SYNE2: variants seen among roughly 807,000 people sequenced by gnomAD.
The protein encoded by SYNE2 is nesprin-2.
SYNE2 carries 431 observed loss-of-function variants against 856.3 expected under a neutral mutation model. That is an observed-to-expected ratio of 0.50 (90% CI 0.47 to 0.55). The LOEUF is 0.55. SYNE2 is among the 20% of genes least tolerant of loss of function. The pLI, the probability that SYNE2 is intolerant of heterozygous loss-of-function variation, is 0.00. For synonymous variants in SYNE2, 2,923 were observed against 2,872.3 expected, an observed-to-expected ratio of 1.02 and a Z score of -0.56; for missense variants, 8,129 against 8,023.2, an observed-to-expected ratio of 1.01 and a Z score of -0.50.
At chr14:63,887,726 T>G (rs1481024642) in intron 1 of SYNE2, among the ~76,000 whole-genome samples, 2 of 151,992 alleles carry the variant, frequency 1.3e-5, no homozygotes, top group African/African-American at 2.4e-5. Context: ...ACTTGGTGCT[T>G]TTGTGGACTA....
intron 49 of SYNE2, among the ~76,000 whole-genome samples, chr14:64,057,649 G>C (rs116824223): frequency 5.3e-5 from 8 of 152,084 alleles, no homozygotes; most frequent in Admixed American, 5.2e-4. Flanking sequence ...GTGGGATTCC[G>C]GGATCATATG....
rs765911639 is a variant in SYNE2, at chr14:64,152,583, C to A, written c.15659C>A (p.Ala5220Glu). ...TTCCAGGATATAGAAAATCAACTTG[C>A]AATTAAATCCAAAGCACTAGATGAG... ...LDCQDIENQL[A>E]IKSKALDELK... Residue 5220 changes from alanine to glutamate, a missense_variant, in exon 85 of 116, where the codon GCA becomes GAA. Coordinates refer to ENST00000555002, the MANE Select transcript of SYNE2 (RefSeq NM_182914.3). 1 of 1,613,974 alleles carries A rather than the reference C, an allele frequency of 6.2e-7. No individual in the cohort carries two copies. Among genetic ancestry groups the A allele is most frequent in the Non-Finnish European group, 8.5e-7 (1 of 1,179,974 alleles).
At chr14:63,787,501 A>G (rs1392252677) in intron 1 of SYNE2, among the ~76,000 whole-genome samples, 1 of 152,176 alleles carries the variant, frequency 6.6e-6, no homozygotes, top group African/African-American at 2.4e-5. Flanking sequence ...CTTATCCTGC[A>G]TCCAGGAAGA....
At chr14:63,948,933 T>C (rs1383046831) in intron 6 of SYNE2, among the ~76,000 whole-genome samples, 1 of 151,170 alleles carries the variant, frequency 6.6e-6, no homozygotes, top group Non-Finnish European at 1.5e-5. Flanking sequence ...TCTTTCACAA[T>C]TGCTGCAGCT....
chr14:64,001,412 C>A (rs1039953933), intron 28 of SYNE2, among the ~76,000 whole-genome samples: 4 of 152,190 alleles, frequency 2.6e-5, no homozygotes, highest in African/African-American at 9.7e-5. Context: ...GGGCCAGGCA[C>A]TGTGGCTCCT....
At chr14:63,892,007 A>G (rs2095143863) in intron 1 of SYNE2, among the ~76,000 whole-genome samples, 1 of 152,212 alleles carries the variant, frequency 6.6e-6, no homozygotes, top group Non-Finnish European at 1.5e-5. Flanking sequence ...TGTTTCAGAA[A>G]CAAACTTCTG....
chr14:63,960,601 G>T (rs1787489421), intron 8 of SYNE2: 2 of 587,096 alleles, frequency 3.4e-6, no homozygotes, highest in South Asian at 2.1e-5. Context: ...TAAATAAACA[G>T]TGAAGTGTTT....
At chr14:63,773,268 C>T (rs905350816) in intron 1 of SYNE2, among the ~76,000 whole-genome samples, 3 of 152,066 alleles carry the variant, frequency 2.0e-5, no homozygotes, top group African/African-American at 2.4e-5. Flanking sequence ...GGCTCAATCA[C>T]GGCTCACTGC....
At chr14:63,909,020 G>T in intron 1 of SYNE2, 78 bp from the exon 2 acceptor site, 1 of 766,012 alleles carries the variant, frequency 1.3e-6, no homozygotes, top group Middle Eastern at 3.0e-4. Context: ...TTTGGTTGCT[G>T]CTGTTTTCTG....
intron 85 of SYNE2, among the ~76,000 whole-genome samples, chr14:64,155,514 A>G (rs3866741): frequency 0.45 from 68,829 of 151,728 alleles, 16,265 homozygotes; most frequent in African/African-American, 0.6. Context: ...AAAATTGATT[A>G]TGGAGATTAC....
chr14:64,120,628 G>A (rs2097891115), intron 67 of SYNE2, among the ~76,000 whole-genome samples: 1 of 152,136 alleles, frequency 6.6e-6, no homozygotes, highest in Non-Finnish European at 1.5e-5. Context: ...GCTGGGTGTG[G>A]TGGGCACAAC....
intron 85 of SYNE2, among the ~76,000 whole-genome samples, chr14:64,156,382 T>G (rs1414190272): frequency 6.6e-6 from 1 of 152,212 alleles, no homozygotes; most frequent in East Asian, 1.9e-4. Context: ...CAGATAGATG[T>G]GAGATCATTT....
intron 96 of SYNE2, among the ~76,000 whole-genome samples, chr14:64,179,154 T>A (rs2153735128): frequency 6.6e-6 from 1 of 152,326 alleles, no homozygotes; most frequent in South Asian, 2.1e-4. Context: ...TTTCTTTTTT[T>A]AAGACAGAGT....
intron 1 of SYNE2, among the ~76,000 whole-genome samples, chr14:63,865,158 CAA>C (rs775335653): frequency 4.0e-4 from 53 of 131,066 alleles, no homozygotes; most frequent in Non-Finnish European, 6.4e-4. Context: ...CACATGGTAA[CAA>C]ATGCTAGTTA....
chr14:63,907,492 C>A (rs568972140), intron 1 of SYNE2, among the ~76,000 whole-genome samples: 1 of 152,142 alleles, frequency 6.6e-6, no homozygotes, highest in African/African-American at 2.4e-5. Context: ...CTAACTCTTA[C>A]CATTGTTATA....
At chr14:63,785,146 ACTTTCACC>A (rs996447247) in intron 1 of SYNE2, among the ~76,000 whole-genome samples, 2 of 152,128 alleles carry the variant, frequency 1.3e-5, no homozygotes, top group African/African-American at 4.8e-5. Context: ...ATCCCACCTT[ACTTTCACC>A]CTTAATCGGA....
intron 99 of SYNE2, chr14:64,190,609 G>A (rs2098513523): frequency 1.4e-6 from 1 of 702,128 alleles, no homozygotes; most frequent in African/African-American, 1.7e-5. Flanking sequence ...CAGTATGGCA[G>A]ATCAGGTAAG....
Position 64,162,262 on chromosome 14 carries a change from C to T in SYNE2, c.16285C>T (p.Leu5429=), listed in dbSNP as rs768559217. 1 of 1,614,176 alleles carries T rather than the reference C, an allele frequency of 6.2e-7. No homozygotes were observed. Among genetic ancestry groups the T allele is most frequent in the East Asian group, 2.2e-5 (1 of 44,888 alleles). The part of the protein sequence containing the change: ...NNLAEILPPA[L]QDIKELQHDV... ...CCTGGCAGAGATCCTGCCCCCAGCC[C>T]TGCAGGACATAAAGGTGGGTACAAA... Residue 5429 remains leucine, a synonymous_variant, in exon 88 of 116, where the codon CTG becomes TTG. Coordinates refer to ENST00000555002, the MANE Select transcript of SYNE2 (RefSeq NM_182914.3).
chr14:64,068,832 A>G (rs931239428), intron 51 of SYNE2, among the ~76,000 whole-genome samples: 1 of 132,270 alleles, frequency 7.6e-6, no homozygotes, highest in African/African-American at 2.9e-5. Flanking sequence ...ACTGCACTCC[A>G]GCCTGGGTGA....
Sources: gnomAD v4.1 joint callset for allele counts (sites outside exome capture counted in the v4.1 genomes callset) on GRCh38, gnomAD v4.1.1 for gene constraint, MANE v1.5 for transcripts, NCBI Gene and HGNC (gene_info 2026-07-23, HGNC 2026-07-21) for gene names.